The following ZNF385B variants were observed in gnomAD, a reference collection of about 807,000 sequenced individuals.
ZNF385B encodes the protein zinc finger protein 533.
In ZNF385B, 23 loss-of-function variants were observed where a neutral mutation model predicts 39.2. The observed-to-expected ratio is 0.59, with a 90% CI of 0.42 to 0.83. The LOEUF is 0.83. ZNF385B is among the 40% of genes least tolerant of loss of function. The pLI is 0.00. For synonymous variants in ZNF385B, 205 were observed against 222.6 expected (o/e 0.92, Z 0.70); for missense variants, 552 against 598.9 (o/e 0.92, Z 0.82).
chr2:179,648,707 C>T (rs1575084961), intron 3 of ZNF385B, among the ~76,000 whole-genome samples: 1 of 151,968 alleles, frequency 6.6e-6, no homozygotes, highest in East Asian at 1.9e-4. Context: ...AGGAAGTGCT[C>T]AAAAAATGAC....
At chr2:179,779,824 G>A (rs928022700) in intron 1 of ZNF385B, among the ~76,000 whole-genome samples, 1 of 152,076 alleles carries the variant, frequency 6.6e-6, no homozygotes, top group Non-Finnish European at 1.5e-5. Context: ...AGTGTGTGAG[G>A]TAATTGATAT....
intron 1 of ZNF385B, among the ~76,000 whole-genome samples, chr2:179,842,583 T>C (rs4894128): frequency 0.3 from 46,098 of 151,878 alleles, 7,205 homozygotes; most frequent in African/African-American, 0.33. Flanking sequence ...CTTTCATAGA[T>C]TGAGTTTCCT....
At chr2:179,670,192 T>C (rs895065151) in intron 3 of ZNF385B, among the ~76,000 whole-genome samples, 11 of 149,102 alleles carry the variant, frequency 7.4e-5, no homozygotes, top group Non-Finnish European at 1.6e-4. Flanking sequence ...CTCGGGAGGC[T>C]GAGGCAGGAG....
intron 3 of ZNF385B, chr2:179,583,964 T>C (rs1232547320): frequency 7.7e-7 from 1 of 1,303,362 alleles, no homozygotes; most frequent in Non-Finnish European, 1.0e-6. Context: ...AGTTCATACA[T>C]TCATATTTAC....
chr2:179,516,737 A>G lies in ZNF385B; in HGVS notation c.552+1791T>C, dbSNP rs551046603. 2.0e-5 allele frequency among the ~76,000 whole-genome samples: 3 copies of G among 152,204 alleles called. No homozygotes were observed. In the East Asian group the frequency reaches 5.8e-4, roughly 29 times the overall value. On this transcript the variant is annotated intron_variant, in intron 5 of 9. Coordinates refer to ENST00000410066, the MANE Select transcript of ZNF385B (RefSeq NM_152520.6). ...TTCTGAACAGTGTAAAAGTGTCTCTAAAGAGTAGAAGTTTTAAATTTTGAT... is the reference window on the plus strand; with the variant it reads ...TTCTGAACAGTGTAAAAGTGTCTCTGAAGAGTAGAAGTTTTAAATTTTGAT...
chr2:179,678,077 A>G (rs1697097863), intron 3 of ZNF385B, among the ~76,000 whole-genome samples: 1 of 152,208 alleles, frequency 6.6e-6, no homozygotes, highest in South Asian at 2.1e-4. Context: ...TTCATTGTTA[A>G]AGTCAAACTG....
At chr2:179,556,465 G>A (rs2060913044) in intron 3 of ZNF385B, among the ~76,000 whole-genome samples, 1 of 149,714 alleles carries the variant, frequency 6.7e-6, no homozygotes, top group African/African-American at 2.5e-5. Flanking sequence ...TCTAACAAAT[G>A]CTTTCTCAAG....
chr2:179,815,639 T>C (rs888573557), intron 1 of ZNF385B, among the ~76,000 whole-genome samples: 36 of 152,170 alleles, frequency 2.4e-4, no homozygotes, highest in African/African-American at 8.0e-4. Flanking sequence ...GATTCATTGA[T>C]TTAGATTCTT....
intron 1 of ZNF385B, among the ~76,000 whole-genome samples, chr2:179,856,699 G>T (rs776598768): frequency 1.3e-5 from 2 of 150,676 alleles, no homozygotes; most frequent in Non-Finnish European, 1.5e-5. Flanking sequence ...AAATAATAGG[G>T]AAATGAGAAG....
chr2:179,621,870 A>C (rs1408597965), intron 3 of ZNF385B, among the ~76,000 whole-genome samples: 1 of 152,184 alleles, frequency 6.6e-6, no homozygotes, highest in African/African-American at 2.4e-5. Flanking sequence ...ACTGATGAAA[A>C]TGGTAGAAAG....
intron 3 of ZNF385B, among the ~76,000 whole-genome samples, chr2:179,676,094 A>ATT (rs376176904): frequency 7.0e-6 from 1 of 143,562 alleles, no homozygotes; most frequent in Non-Finnish European, 1.5e-5. Flanking sequence ...GGCCAACAGT[A>ATT]TTTTTTTTCT....
intron 5 of ZNF385B, among the ~76,000 whole-genome samples, chr2:179,499,181 C>T (rs2056529538): frequency 6.6e-6 from 1 of 151,842 alleles, no homozygotes; most frequent in Non-Finnish European, 1.5e-5. Flanking sequence ...TAACAAAAAG[C>T]TCCCCAGTAA....
chr2:179,453,958 C>G (rs2050415635), intron 6 of ZNF385B, among the ~76,000 whole-genome samples: 1 of 152,154 alleles, frequency 6.6e-6, no homozygotes, highest in Non-Finnish European at 1.5e-5. Context: ...GCCCCTTTTT[C>G]TCCTCTAATT....
chr2:179,797,107 T>C (rs755227414), intron 1 of ZNF385B, among the ~76,000 whole-genome samples: 41 of 152,310 alleles, frequency 2.7e-4, no homozygotes, highest in Non-Finnish European at 5.3e-4. Flanking sequence ...AATAACTGTT[T>C]CACAGAAACA....
intron 5 of ZNF385B, among the ~76,000 whole-genome samples, chr2:179,497,010 C>T (rs2056289492): frequency 6.6e-6 from 1 of 152,216 alleles, no homozygotes; most frequent in Non-Finnish European, 1.5e-5. Flanking sequence ...GATCACACCA[C>T]TGCATTCCAG....
At chr2:179,798,275 C>T (rs1016319911) in intron 1 of ZNF385B, among the ~76,000 whole-genome samples, 2 of 151,892 alleles carry the variant, frequency 1.3e-5, no homozygotes, top group Admixed American at 1.3e-4. Flanking sequence ...ATTTCCTGCC[C>T]CAGCCCTAGA....
chr2:179,541,091 T>G (rs2059893658), intron 4 of ZNF385B, among the ~76,000 whole-genome samples: 1 of 152,180 alleles, frequency 6.6e-6, no homozygotes, highest in Non-Finnish European at 1.5e-5. Flanking sequence ...AGAGTTAACA[T>G]CATCATCCTC....
At chr2:179,808,766 T>G (rs1202051415) in intron 1 of ZNF385B, among the ~76,000 whole-genome samples, 13 of 152,322 alleles carry the variant, frequency 8.5e-5, no homozygotes, top group Middle Eastern at 3.4e-3. Context: ...CCTACCTCCC[T>G]TTAGAGCCTT....
At chr2:179,498,944 A>G (rs2056506081) in intron 5 of ZNF385B, among the ~76,000 whole-genome samples, 1 of 151,954 alleles carries the variant, frequency 6.6e-6, no homozygotes, top group Non-Finnish European at 1.5e-5. Context: ...AGAAAAAAAG[A>G]CAGAAGATCC....
Sources: gnomAD v4.1 joint callset for allele counts (sites outside exome capture counted in the v4.1 genomes callset) on GRCh38, gnomAD v4.1.1 for gene constraint, MANE v1.5 for transcripts, NCBI Gene and HGNC (gene_info 2026-07-23, HGNC 2026-07-21) for gene names.